TAFA2: variants seen among roughly 807,000 people sequenced by gnomAD.
TAFA2 encodes the protein chemokine-like protein TAFA-2.
Under a neutral mutation model 18.8 loss-of-function variants are expected in TAFA2, and 7 were observed. The observed-to-expected ratio is 0.37, with a 90% CI of 0.21 to 0.70. The LOEUF is 0.70. Among genes scored for constraint, TAFA2 ranks in the 30% least tolerant of loss-of-function variants. The pLI is 0.53. For missense variants in TAFA2, 122 were observed against 158.1 expected, an observed-to-expected ratio of 0.77 and a Z score of 1.23; for synonymous variants, 60 against 54.2, an observed-to-expected ratio of 1.11 and a Z score of -0.47.
At chr12:61,835,974 G>A (rs1872902851) in intron 2 of TAFA2, among the ~76,000 whole-genome samples, 1 of 151,698 alleles carries the variant, frequency 6.6e-6, no homozygotes. Flanking sequence ...TGGAAATAAT[G>A]GTAAATACAG....
At chr12:62,011,989 C>T (rs1196299595) in intron 1 of TAFA2, among the ~76,000 whole-genome samples, 1 of 152,118 alleles carries the variant, frequency 6.6e-6, no homozygotes, top group Admixed American at 6.5e-5. Flanking sequence ...GAGAATAGAT[C>T]CCTAATAGTG....
intron 1 of TAFA2, among the ~76,000 whole-genome samples, chr12:62,142,027 C>T (rs1022170192): frequency 3.9e-5 from 6 of 152,200 alleles, no homozygotes; most frequent in Admixed American, 3.9e-4. Flanking sequence ...ACGGTCTCCT[C>T]ACCATCCAAC....
chr12:61,786,829 T>C (rs1870757163), intron 2 of TAFA2, among the ~76,000 whole-genome samples: 1 of 151,538 alleles, frequency 6.6e-6, no homozygotes, highest in African/African-American at 2.4e-5. Context: ...GTTATAGATG[T>C]GCACTATATA....
intron 1 of TAFA2, among the ~76,000 whole-genome samples, chr12:62,061,872 A>G (rs1428020328): frequency 3.3e-5 from 5 of 152,320 alleles, no homozygotes; most frequent in East Asian, 1.9e-4. Flanking sequence ...CCTACTGGGA[A>G]CCTACATTCT....
chr12:62,025,349 T>C (rs535000659), intron 1 of TAFA2, among the ~76,000 whole-genome samples: 6 of 152,106 alleles, frequency 3.9e-5, no homozygotes, highest in Admixed American at 2.0e-4. Context: ...CCCTAAACCT[T>C]AGCATCATAC....
chr12:62,229,340 C>G (rs1189269134), intron 1 of TAFA2, among the ~76,000 whole-genome samples: 5 of 151,960 alleles, frequency 3.3e-5, no homozygotes, highest in Admixed American at 3.3e-4. Context: ...CACTATAATG[C>G]TAGCTGTTGG....
At chr12:61,886,480 C>T (rs933255473) in intron 1 of TAFA2, among the ~76,000 whole-genome samples, 2 of 152,200 alleles carry the variant, frequency 1.3e-5, no homozygotes, top group African/African-American at 4.8e-5. Flanking sequence ...TTGTATCCCT[C>T]CTGCCCTCCA....
intron 1 of TAFA2, among the ~76,000 whole-genome samples, chr12:61,991,656 T>C (rs1880016056): frequency 6.6e-6 from 1 of 152,220 alleles, no homozygotes; most frequent in Non-Finnish European, 1.5e-5. Context: ...AAAACTTTTT[T>C]GATCTTATTT....
chr12:61,954,622 A>G (rs1371921), intron 1 of TAFA2, among the ~76,000 whole-genome samples: 2,725 of 152,250 alleles, frequency 0.018, 101 homozygotes, highest in African/African-American at 0.062. Flanking sequence ...AAGACAATAT[A>G]CTTCCATGGG....
chr12:62,041,480 A>C (rs570983489), intron 1 of TAFA2, among the ~76,000 whole-genome samples: 1 of 152,156 alleles, frequency 6.6e-6, no homozygotes, highest in Non-Finnish European at 1.5e-5. Flanking sequence ...TATTTCTCTT[A>C]TCTAGGACAT....
chr12:61,928,643 G>A (rs146799695), intron 1 of TAFA2, among the ~76,000 whole-genome samples: 1 of 152,120 alleles, frequency 6.6e-6, no homozygotes, highest in Non-Finnish European at 1.5e-5. Flanking sequence ...AATACCACTT[G>A]ACCCAGCAAT....
intron 1 of TAFA2, among the ~76,000 whole-genome samples, chr12:62,142,697 G>A (rs772419903): frequency 1.3e-5 from 2 of 152,172 alleles, no homozygotes; most frequent in African/African-American, 2.4e-5. Context: ...TTTGCTGGAA[G>A]AGGGTATAAA....
chr12:61,870,789 G>A (rs945274161), intron 1 of TAFA2, among the ~76,000 whole-genome samples: 3 of 152,122 alleles, frequency 2.0e-5, no homozygotes, highest in African/African-American at 7.2e-5. Context: ...AGAAGGGCAG[G>A]TTAGAATTCC....
chr12:61,757,554 G>C (rs1403362678), intron 2 of TAFA2, among the ~76,000 whole-genome samples: 1 of 151,946 alleles, frequency 6.6e-6, no homozygotes, highest in Non-Finnish European at 1.5e-5. Context: ...AGTGATCTAA[G>C]CCTACAGATG....
intron 1 of TAFA2, among the ~76,000 whole-genome samples, chr12:62,212,623 T>C (rs1219491734): frequency 6.6e-6 from 1 of 152,212 alleles, no homozygotes; most frequent in African/African-American, 2.4e-5. Context: ...CTTTTCTTGG[T>C]AGATAGAATT....
chr12:61,745,282 C>G (rs1868648734), intron 4 of TAFA2, among the ~76,000 whole-genome samples: 1 of 152,052 alleles, frequency 6.6e-6, no homozygotes, highest in Admixed American at 6.6e-5. Context: ...TTGTTTAGGA[C>G]AAAAGTTTAA....
intron 1 of TAFA2, among the ~76,000 whole-genome samples, chr12:62,201,871 G>A (rs748262343): frequency 1.1e-4 from 16 of 152,120 alleles, no homozygotes; most frequent in Admixed American, 2.0e-4. Flanking sequence ...TCTGGTCCTA[G>A]GCTTTTTTTG....
chr12:61,747,619 A>G (rs889065411), intron 4 of TAFA2, among the ~76,000 whole-genome samples: 9 of 151,052 alleles, frequency 6.0e-5, no homozygotes, highest in African/African-American at 2.2e-4. Context: ...GCAAGAACAA[A>G]AAACCAAACA....
chr12:61,767,097 A>G (rs886970064), intron 2 of TAFA2, among the ~76,000 whole-genome samples: 5 of 152,122 alleles, frequency 3.3e-5, no homozygotes, highest in Admixed American at 6.6e-5. Context: ...AAGTGACATC[A>G]GCTAAAAGCA....
Sources: allele counts gnomAD v4.1 joint callset (sites outside exome capture counted in the v4.1 genomes callset), GRCh38; gene constraint gnomAD v4.1.1; transcripts MANE v1.5; gene names NCBI Gene and HGNC (gene_info 2026-07-23, HGNC 2026-07-21).